The following BAIAP2 variants were observed in gnomAD, a reference collection of about 807,000 sequenced individuals.
The protein encoded by BAIAP2 is BAR/IMD domain-containing adapter protein 2.
Under a neutral mutation model 63.0 loss-of-function variants are expected in BAIAP2, and 18 were observed. The observed-to-expected ratio is 0.29, with a 90% CI of 0.20 to 0.42. The LOEUF (loss-of-function observed/expected upper bound fraction) is 0.42, where lower values mean the gene tolerates loss of function less well. BAIAP2 is among the 10% of genes least tolerant of loss of function. The probability of loss-of-function intolerance (pLI) is 1.00; values close to 1 mark genes in which losing one functional copy is unlikely to be tolerated. For synonymous variants in BAIAP2, 386 were observed against 307.6 expected, an observed-to-expected ratio of 1.25 and a Z score of -2.67; for missense variants, 610 against 734.3, an observed-to-expected ratio of 0.83 and a Z score of 1.96.
At chr17:81,069,038 C>T (rs2052051403) in intron 3 of BAIAP2, among the ~76,000 whole-genome samples, 1 of 152,152 alleles carries the variant, frequency 6.6e-6, no homozygotes, top group African/African-American at 2.4e-5. Flanking sequence ...GGGGTGATCC[C>T]GGTGGCAGGG....
In BAIAP2 at chr17:81,115,828, C is replaced by T. The variant is rs375660567; in HGVS notation, c.1594C>T (p.Leu532Phe). Residue 532 changes from leucine to phenylalanine, a missense_variant, in exon 14 of 14, where the codon CTC (leucine) becomes TTC (phenylalanine). Transcript: ENST00000428708. ...AGTGACCAACGACAGGTCTGCCCCC[C>T]TCCTCAGCTGATGGCCACATCTGCA... is the stretch of plus-strand genomic sequence containing the variant. ...PTVTNDRSAP[L>F]LS The T allele has an allele frequency of 1.2e-4, 193 of 1,613,478 alleles. No homozygotes were observed. In the African/African-American group the frequency reaches 1.9e-3, roughly 16 times the overall value.
chr17:81,098,089 A>G, intron 6 of BAIAP2: 2 of 1,348,202 alleles, frequency 1.5e-6, no homozygotes, highest in East Asian at 2.8e-5. Context: ...AGCTGGGGTC[A>G]TGGAGGGGCC....
chr17:81,093,268 G>GCCCTGGGACGA (rs1367110330), intron 6 of BAIAP2, among the ~76,000 whole-genome samples: 4 of 152,200 alleles, frequency 2.6e-5, no homozygotes, highest in African/African-American at 4.8e-5. Context: ...CGACTTGCTG[G>GCCCTGGGACGA]CCCTGGGACG....
In BAIAP2 at chr17:81,103,931, C is replaced by G; in HGVS notation, c.889C>G (p.Pro297Ala). The change falls in exon 9 of 14, where the codon CCC becomes GCC. Residue 297 changes from proline (P) to alanine (A), a missense_variant. Physicochemically the swap from Pro to Ala is conservative, Grantham distance 27. Around this residue, in one of 5 missense-constraint regions of BAIAP2, gnomAD observed 389 missense variants for 455.6 expected, o/e 0.85. Transcript: ENST00000428708. The stretch of plus-strand genomic sequence containing the variant: ...GCGGATGTCTGCCCAGGAGAGCACA[C>G]CCATCATGAACGGCGTCACAGGCCC... ...VGRMSAQEST[P>A]IMNGVTGPDG... The G allele has an allele frequency of 6.2e-7, 1 of 1,613,032 alleles. No individual in the cohort carries two copies. Among genetic ancestry groups the G allele is most frequent in the South Asian group, 1.1e-5 (1 of 91,088 alleles).
intron 1 of BAIAP2, chr17:81,053,262 GC>G (rs2048949874): frequency 1.6e-5 from 3 of 189,804 alleles, no homozygotes; most frequent in Non-Finnish European, 3.3e-5. Flanking sequence ...GGGGGTGCCG[GC>G]GTCGTTGAGC....
chr17:81,086,645 C>A, intron 6 of BAIAP2, 65 bp downstream of exon 6: 1 of 1,589,292 alleles, frequency 6.3e-7, no homozygotes, highest in Non-Finnish European at 8.6e-7. Flanking sequence ...CCCTCGGCCC[C>A]CCTCGTCCAC....
intron 6 of BAIAP2, among the ~76,000 whole-genome samples, chr17:81,092,738 G>GT (rs1041815173): frequency 2.0e-5 from 3 of 152,170 alleles, no homozygotes; most frequent in African/African-American, 7.2e-5. Flanking sequence ...CCCCAGGACC[G>GT]TGGTCGTTGC....
intron 1 of BAIAP2, chr17:81,036,731 T>A: frequency 1.5e-5 from 11 of 751,784 alleles, no homozygotes; most frequent in Non-Finnish European, 1.7e-5. Flanking sequence ...CTGGGGTTGT[T>A]AGGTTTGGTT....
intron 6 of BAIAP2, among the ~76,000 whole-genome samples, chr17:81,092,831 A>G (rs991192015): frequency 3.3e-5 from 5 of 152,118 alleles, no homozygotes; most frequent in Non-Finnish European, 7.4e-5. Flanking sequence ...CACGGTGGAC[A>G]TGCTGGGGCA....
chr17:81,107,408 C>T lies in BAIAP2; in HGVS notation c.1500+501C>T, dbSNP rs558664542. 2.3e-3 allele frequency: 350 copies of T among 154,144 alleles called. 1 individual carries two copies. The highest frequency in any genetic ancestry group is 9.9e-3 in the Middle Eastern group (3 of 304). 9.5% of individuals were successfully genotyped at this position (154,144 alleles called of 1,614,324 possible). On this transcript the variant is annotated intron_variant, in intron 12 of 13. Coordinates refer to ENST00000428708, the MANE Select transcript of BAIAP2 (RefSeq NM_001144888.2). ...ACCCTGGATTTGGGCCATCTGGTGC[C>T]GGGAGGCCAGAGGTGGAGGATCAGG...
rs2058815581 is a variant in BAIAP2 at position 81,103,924 on chromosome 17, G to A, written c.882G>A (p.Glu294=). The A allele has an allele frequency of 6.2e-7, 1 of 1,612,904 alleles. No individual in the cohort carries two copies. The highest frequency in any genetic ancestry group is 1.3e-5 in the African/African-American group (1 of 74,938). The change falls in exon 9 of 14, where the codon GAG becomes GAA. Residue 294 remains glutamate, a synonymous_variant. Coordinates refer to ENST00000428708, the MANE Select transcript of BAIAP2 (RefSeq NM_001144888.2). ...CCCTGCAGCGGATGTCTGCCCAGGA[G>A]AGCACACCCATCATGAACGGCGTCA... The part of the protein sequence containing the change: ...APFVGRMSAQ[E]STPIMNGVTG...
intron 2 of BAIAP2, among the ~76,000 whole-genome samples, chr17:81,057,040 T>C (rs920031544): frequency 6.6e-6 from 1 of 152,258 alleles, no homozygotes; most frequent in Non-Finnish European, 1.5e-5. Flanking sequence ...AATTGAAAAG[T>C]ATATAAATAA....
chr17:81,109,520 C>G, intron 13 of BAIAP2: 2 of 985,440 alleles, frequency 2.0e-6, no homozygotes, highest in Non-Finnish European at 2.4e-6. Context: ...TCTGTCCGGA[C>G]AGGGAAGGTG....
chr17:81,101,346 G>A (rs1412575910), intron 7 of BAIAP2, among the ~76,000 whole-genome samples: 1 of 152,106 alleles, frequency 6.6e-6, no homozygotes, highest in Admixed American at 6.5e-5. Context: ...GGCTGACTTA[G>A]CCCCCAGAGC....
chr17:81,106,842 C>T lies in BAIAP2; in HGVS notation c.1435C>T (p.Pro479Ser), dbSNP rs753906511. 6.2e-7 allele frequency: 1 copy of T among 1,610,080 alleles called. No individual in the cohort carries two copies. Among genetic ancestry groups the T allele is most frequent in the Admixed American group, 1.7e-5 (1 of 59,790 alleles). ...TTACGGCGCCGCCTCCCGGGCCTTCCCCGCCCAGACGGCCAGCGGCTTCAA... is the reference window on the plus strand; with the variant it reads ...TTACGGCGCCGCCTCCCGGGCCTTCTCCGCCCAGACGGCCAGCGGCTTCAA... The part of the protein sequence containing the change: ...PDYGAASRAF[P>S]AQTASGFKQR... Residue 479 changes from proline (P) to serine (S), a missense_variant, in exon 12 of 14, where the codon CCC (proline) becomes TCC (serine). Physicochemically the swap from Pro to Ser is moderately conservative, Grantham distance 74. Around this residue, in one of 5 missense-constraint regions of BAIAP2, gnomAD observed 114 missense variants for 98.2 expected, o/e 1.16. Transcript: ENST00000428708.
chr17:81,080,546 C>G (rs550573566), intron 3 of BAIAP2, among the ~76,000 whole-genome samples: 10 of 151,858 alleles, frequency 6.6e-5, no homozygotes, highest in African/African-American at 2.2e-4. Context: ...CTGGCCAGAA[C>G]CCCCTGAGAA....
chr17:81,073,035 A>T (rs1016988710), intron 3 of BAIAP2, among the ~76,000 whole-genome samples: 1 of 151,480 alleles, frequency 6.6e-6, no homozygotes, highest in Non-Finnish European at 1.5e-5. Flanking sequence ...CTCCAGGATG[A>T]CCCCCAGCCA....
At chr17:81,066,747 CCTG>C (rs2051537412) in intron 3 of BAIAP2, among the ~76,000 whole-genome samples, 1 of 152,240 alleles carries the variant, frequency 6.6e-6, no homozygotes, top group Non-Finnish European at 1.5e-5. Flanking sequence ...GGTAGGGCCT[CCTG>C]CTCTCTGTGA....
chr17:81,043,191 G>T (rs1469423654), intron 1 of BAIAP2, among the ~76,000 whole-genome samples: 1 of 152,220 alleles, frequency 6.6e-6, no homozygotes, highest in Non-Finnish European at 1.5e-5. Context: ...AAACCAGTGG[G>T]TGTGGTGGAG....
Sources: allele counts gnomAD v4.1 joint callset (sites outside exome capture counted in the v4.1 genomes callset), GRCh38; gene constraint gnomAD v4.1.1; regional missense constraint gnomAD v4.1.1; transcripts MANE v1.5; gene names NCBI Gene and HGNC (gene_info 2026-07-23, HGNC 2026-07-21).